Variants in SYT1 observed in about 807,000 individuals in gnomAD.
SYT1 encodes synaptotagmin-1.
Under a neutral mutation model 44.8 loss-of-function variants are expected in SYT1, and 8 were observed. The observed-to-expected ratio is 0.18, with a 90% CI of 0.10 to 0.32. The LOEUF is 0.32. Ranked by LOEUF, SYT1 falls within the 10% of genes least tolerant of loss-of-function variation. The pLI is 1.00. For synonymous variants in SYT1, 154 were observed against 188.8 expected (o/e 0.82, Z 1.51); for missense variants, 286 against 509.3 (o/e 0.56, Z 4.22).
chr12:79,431,268 C>A (rs1869759364), intron 9 of SYT1, among the ~76,000 whole-genome samples: 1 of 151,940 alleles, frequency 6.6e-6, no homozygotes, highest in African/African-American at 2.4e-5. Context: ...TAACTAATAC[C>A]CCCACTCTCA....
intron 3 of SYT1, among the ~76,000 whole-genome samples, chr12:79,050,901 GT>G (rs1874429784): frequency 6.6e-6 from 1 of 152,012 alleles, no homozygotes; most frequent in Non-Finnish European, 1.5e-5. Flanking sequence ...GTGTGTAATA[GT>G]GGCATAAAGC....
At chr12:79,222,941 T>G (rs886665027) in intron 4 of SYT1, among the ~76,000 whole-genome samples, 2 of 152,184 alleles carry the variant, frequency 1.3e-5, no homozygotes, top group Admixed American at 6.5e-5. Flanking sequence ...CCACTTTTCA[T>G]TTCATTCATT....
At chr12:78,981,449 T>C (rs535895888) in intron 2 of SYT1, among the ~76,000 whole-genome samples, 33 of 152,224 alleles carry the variant, frequency 2.2e-4, no homozygotes, top group Non-Finnish European at 4.6e-4. Flanking sequence ...AATGAATAGG[T>C]AACTATGTTG....
At chr12:79,393,745 G>C (rs543948537) in intron 9 of SYT1, 1 of 152,002 alleles carries the variant, frequency 6.6e-6, no homozygotes. Flanking sequence ...TCTCCCATTC[G>C]GTAGGTTGCC....
chr12:79,327,947 C>A (rs1881678932), intron 8 of SYT1, among the ~76,000 whole-genome samples: 1 of 151,866 alleles, frequency 6.6e-6, no homozygotes, highest in Non-Finnish European at 1.5e-5. Context: ...GAGGGGTAAG[C>A]CAGAAAAAAT....
chr12:79,195,116 A>G (rs1053985850), intron 3 of SYT1, among the ~76,000 whole-genome samples: 4 of 152,234 alleles, frequency 2.6e-5, no homozygotes, highest in African/African-American at 4.8e-5. Context: ...GGCAGACTGT[A>G]TAATGAAATC....
intron 1 of SYT1, among the ~76,000 whole-genome samples, chr12:78,904,704 A>G (rs943229295): frequency 6.6e-6 from 1 of 152,180 alleles, no homozygotes; most frequent in Non-Finnish European, 1.5e-5. Flanking sequence ...TTACATGAGT[A>G]ATATTATATG....
intron 3 of SYT1, among the ~76,000 whole-genome samples, chr12:79,170,197 C>A (rs1871434632): frequency 6.6e-6 from 1 of 152,078 alleles, no homozygotes; most frequent in African/African-American, 2.4e-5. Context: ...GATTTCTATT[C>A]CTTTGAGTAT....
chr12:79,121,933 A>G (rs1052804915), intron 3 of SYT1, among the ~76,000 whole-genome samples: 1 of 152,218 alleles, frequency 6.6e-6, no homozygotes, highest in African/African-American at 2.4e-5. Flanking sequence ...ATATATACAA[A>G]AAAGTGAAAA....
At chr12:79,063,942 C>T (rs1018656309) in intron 3 of SYT1, among the ~76,000 whole-genome samples, 1 of 152,136 alleles carries the variant, frequency 6.6e-6, no homozygotes, top group Non-Finnish European at 1.5e-5. Context: ...TTCTCCCTCT[C>T]TTCTGTATTC....
At chr12:79,081,831 G>C (rs1398001254) in intron 3 of SYT1, among the ~76,000 whole-genome samples, 1 of 152,080 alleles carries the variant, frequency 6.6e-6, no homozygotes, top group East Asian at 1.9e-4. Flanking sequence ...GTCAATTCAA[G>C]TACTTCTGCT....
chr12:78,980,782 T>C (rs1419149829), intron 2 of SYT1, among the ~76,000 whole-genome samples: 1 of 152,134 alleles, frequency 6.6e-6, no homozygotes, highest in Non-Finnish European at 1.5e-5. Context: ...ACATTATATA[T>C]TTACTTTGAA....
chr12:79,227,326 T>C (rs7311549), intron 4 of SYT1, among the ~76,000 whole-genome samples: 106,551 of 151,964 alleles, frequency 0.7, 37,772 homozygotes, highest in African/African-American at 0.75. Context: ...GCAGACAAGG[T>C]TTTTTAGAAT....
At chr12:78,927,265 G>T (rs1877354291) in intron 1 of SYT1, among the ~76,000 whole-genome samples, 1 of 151,996 alleles carries the variant, frequency 6.6e-6, no homozygotes, top group Non-Finnish European at 1.5e-5. Flanking sequence ...TGCTGGAGGG[G>T]GAAGTGAAAC....
intron 1 of SYT1, among the ~76,000 whole-genome samples, chr12:78,869,425 C>A (rs1400089994): frequency 6.6e-6 from 1 of 151,828 alleles, no homozygotes; most frequent in Non-Finnish European, 1.5e-5. Context: ...CATTTACTGT[C>A]TACATCAATA....
intron 9 of SYT1, among the ~76,000 whole-genome samples, chr12:79,436,696 G>A (rs538638879): frequency 1.3e-5 from 2 of 152,170 alleles, no homozygotes; most frequent in Non-Finnish European, 2.9e-5. Context: ...TGAGAAGAGG[G>A]GGGTGGTGAT....
chr12:78,960,046 A>C (rs774728203), intron 1 of SYT1, among the ~76,000 whole-genome samples: 54 of 152,206 alleles, frequency 3.5e-4, no homozygotes, highest in Admixed American at 1.6e-3. Flanking sequence ...CAAAATTTAT[A>C]TATTTTTAAA....
chr12:78,949,412 CT>C (rs1878844624), intron 1 of SYT1, among the ~76,000 whole-genome samples: 1 of 151,032 alleles, frequency 6.6e-6, no homozygotes, highest in Admixed American at 6.6e-5. Flanking sequence ...AATATGTCTA[CT>C]GGTTTCAAGA....
chr12:79,179,321 G>GATATATAGATACAGATTTAGATATATCT (rs532776371), intron 3 of SYT1, among the ~76,000 whole-genome samples: 1 of 24,642 alleles, frequency 4.1e-5, no homozygotes, highest in African/African-American at 2.3e-4. Context: ...TATAGATATA[G>GATATATAGATACAGATTTAGATATATCT]ATATAGATAT....
Sources: allele counts gnomAD v4.1 joint callset (sites outside exome capture counted in the v4.1 genomes callset), GRCh38; gene constraint gnomAD v4.1.1; transcripts MANE v1.5; gene names NCBI Gene and HGNC (gene_info 2026-07-23, HGNC 2026-07-21).